Variants in KCNK13 observed in about 807,000 individuals in gnomAD.
KCNK13 encodes potassium two pore domain channel subfamily K member 13, also known as potassium channel subfamily K member 13.
KCNK13 carries 12 observed loss-of-function variants against 23.4 expected under a neutral mutation model. The observed-to-expected ratio is 0.51, with a 90% CI of 0.33 to 0.83. KCNK13 has a LOEUF of 0.83. Ranked by LOEUF, KCNK13 falls within the 40% of genes least tolerant of loss-of-function variation. KCNK13 has a pLI of 0.02. For missense variants in KCNK13, 463 were observed against 556.3 expected, an observed-to-expected ratio of 0.83 and a Z score of 1.69; for synonymous variants, 231 against 229.5, an observed-to-expected ratio of 1.01 and a Z score of -0.06.
intron 1 of KCNK13, among the ~76,000 whole-genome samples, chr14:90,142,342 G>A (rs1163247336): frequency 5.9e-5 from 6 of 100,848 alleles, no homozygotes; most frequent in African/African-American, 2.3e-4. Flanking sequence ...TTTTTGAGAC[G>A]GAGTCTCGGT....
intron 1 of KCNK13, among the ~76,000 whole-genome samples, chr14:90,065,893 A>G (rs1362611747): frequency 6.6e-6 from 1 of 152,228 alleles, no homozygotes; most frequent in Non-Finnish European, 1.5e-5. Flanking sequence ...TTCAGGCTTC[A>G]TGGCAGACAG....
intron 1 of KCNK13, among the ~76,000 whole-genome samples, chr14:90,133,611 A>T (rs1003298122): frequency 6.6e-6 from 1 of 152,080 alleles, no homozygotes; most frequent in Non-Finnish European, 1.5e-5. Context: ...AAAAAAAAAA[A>T]AAAACAGTTA....
At chr14:90,116,652 G>A (rs1317005944) in intron 1 of KCNK13, among the ~76,000 whole-genome samples, 1 of 152,154 alleles carries the variant, frequency 6.6e-6, no homozygotes, top group African/African-American at 2.4e-5. Context: ...GGCAGCGTGA[G>A]CTTCGGGTTT....
At position 90,104,482 on chromosome 14, in the gene KCNK13, C is replaced by T. The variant is rs73330277; in HGVS notation, c.334+41943C>T. Among the ~76,000 whole-genome samples the T allele has an allele frequency of 9.3e-3, 1,414 of 152,304 alleles. 19 individuals are homozygous for T. Among genetic ancestry groups the T allele is most frequent in the African/African-American group, 0.032 (1,312 of 41,558 alleles). Reference sequence around the variant, plus strand: ...GCAGCACCCAGAAGGCAATAAGACACCTTGTCCCTGTCACACATACATTCC... The same window carrying T: ...GCAGCACCCAGAAGGCAATAAGACATCTTGTCCCTGTCACACATACATTCC... On this transcript the variant is annotated intron_variant, in intron 1 of 1. Transcript: ENST00000282146.
chr14:90,175,082 G>A (rs914828326), intron 1 of KCNK13, among the ~76,000 whole-genome samples: 40 of 152,002 alleles, frequency 2.6e-4, no homozygotes, highest in Admixed American at 5.9e-4. Context: ...AAAACAACTC[G>A]GAGACATATA....
At chr14:90,130,751 T>C (rs1323230479) in intron 1 of KCNK13, among the ~76,000 whole-genome samples, 1 of 151,766 alleles carries the variant, frequency 6.6e-6, no homozygotes, top group Non-Finnish European at 1.5e-5. Flanking sequence ...GAAACAGAGG[T>C]TGTGGTGAGC....
chr14:90,068,333 G>A (rs540218937), intron 1 of KCNK13, among the ~76,000 whole-genome samples: 1 of 152,266 alleles, frequency 6.6e-6, no homozygotes, highest in Non-Finnish European at 1.5e-5. Context: ...GGTGGCTCAT[G>A]CCTGTAATCT....
rs1890529448 is a variant in KCNK13, at chr14:90,184,755, A to G, written c.979A>G (p.Ile327Val). The G allele has an allele frequency of 6.2e-7, 1 of 1,613,956 alleles. No individual in the cohort carries two copies. Among genetic ancestry groups the G allele is most frequent in the East Asian group, 2.2e-5 (1 of 44,872 alleles). ...CGTCCGGAACCGCTGCAACATCTCC[A>G]TAGAGACAGACGGGGTGGCAGAGAG... ...GSVRNRCNIS[I>V]ETDGVAESDT... is the part of the protein sequence containing the mutation. The change falls in exon 2 of 2, where the codon ATA becomes GTA. Residue 327 changes from isoleucine to valine, a missense_variant. Ile to Val is a conservative substitution (Grantham distance 29). Around this residue, in one of 3 missense-constraint regions of KCNK13, gnomAD observed 166 missense variants for 178.8 expected, o/e 0.93. Coordinates refer to ENST00000282146, the MANE Select transcript of KCNK13 (RefSeq NM_022054.4). This position sits in a 1 kb window ranked among gnomAD's most constrained non-coding sequence, Gnocchi z 5.6.
At chr14:90,089,997 G>A (rs1238307124) in intron 1 of KCNK13, among the ~76,000 whole-genome samples, 1 of 152,270 alleles carries the variant, frequency 6.6e-6, no homozygotes, top group African/African-American at 2.4e-5. Context: ...GGGCTCTCAT[G>A]GAGAACCTCT....
chr14:90,107,578 A>C (rs947251836), intron 1 of KCNK13: 1 of 490,168 alleles, frequency 2.0e-6, no homozygotes, highest in Non-Finnish European at 3.7e-6. Context: ...AAAAGTAAAG[A>C]GTGTGTTTAT....
chr14:90,118,482 T>C (rs775434689), intron 1 of KCNK13, among the ~76,000 whole-genome samples: 2 of 152,266 alleles, frequency 1.3e-5, no homozygotes, highest in Non-Finnish European at 2.9e-5. Context: ...TTTATCCACA[T>C]TGTAGCATGA....
At chr14:90,145,995 T>TCAAAA (rs144565802) in intron 1 of KCNK13, among the ~76,000 whole-genome samples, 9,785 of 151,988 alleles carry the variant, frequency 0.064, 411 homozygotes, top group South Asian at 0.2. Context: ...AGACCCTGTC[T>TCAAAA]CAAAACAAAA....
At chr14:90,182,090 T>G (rs958853146) in intron 1 of KCNK13, among the ~76,000 whole-genome samples, 6 of 152,206 alleles carry the variant, frequency 3.9e-5, no homozygotes, top group African/African-American at 1.4e-4. Context: ...TCCCTGTCCC[T>G]CGATCCTCCC....
intron 1 of KCNK13, among the ~76,000 whole-genome samples, chr14:90,136,092 C>G (rs992246105): frequency 2.0e-5 from 3 of 151,910 alleles, no homozygotes; most frequent in Non-Finnish European, 2.9e-5. Context: ...GATGTGCCAC[C>G]AAGAAGGAGA....
intron 1 of KCNK13, among the ~76,000 whole-genome samples, chr14:90,105,391 G>C (rs1323818977): frequency 1.3e-5 from 2 of 151,976 alleles, no homozygotes; most frequent in African/African-American, 2.4e-5. Context: ...TAGAGTCCTC[G>C]CCTGAAATCA....
intron 1 of KCNK13, among the ~76,000 whole-genome samples, chr14:90,132,926 A>G (rs3850395): frequency 0.39 from 59,031 of 151,852 alleles, 12,438 homozygotes; most frequent in Admixed American, 0.47. Flanking sequence ...GCCTTGCCTC[A>G]CTGGTATTTG....
intron 1 of KCNK13, among the ~76,000 whole-genome samples, chr14:90,181,490 G>A (rs559869133): frequency 5.3e-5 from 8 of 152,198 alleles, no homozygotes; most frequent in South Asian, 2.1e-4. Context: ...CTCACCTCTC[G>A]CAAAGACACC....
Position 90,062,296 on chromosome 14 carries a change from C to T in KCNK13, c.91C>T (p.Leu31=), listed in dbSNP as rs758310119. The change falls in exon 1 of 2, where the codon CTG becomes TTG. Residue 31 remains leucine, a synonymous_variant. Coordinates refer to ENST00000282146, the MANE Select transcript of KCNK13 (RefSeq NM_022054.4). This position sits in a 1 kb window ranked among gnomAD's most constrained non-coding sequence, Gnocchi z 4.5. ...LLLAALIVLY[L]LGGAAVFSAL... The stretch of plus-strand genomic sequence containing the variant: ...GCTGGCCGCGCTCATCGTGCTCTAC[C>T]TGCTGGGCGGCGCCGCCGTCTTCTC... 4 of 1,564,378 alleles carry T rather than the reference C, an allele frequency of 2.6e-6. No homozygotes were observed. The highest frequency in any genetic ancestry group is 1.8e-5 in the Admixed American group (1 of 55,440).
intron 1 of KCNK13, among the ~76,000 whole-genome samples, chr14:90,141,107 C>T (rs1639084299): frequency 1.3e-5 from 2 of 152,160 alleles, no homozygotes; most frequent in Non-Finnish European, 2.9e-5. Flanking sequence ...AGAGCTGGAC[C>T]CTGCTAGCAG....
Sources: allele counts gnomAD v4.1 joint callset (sites outside exome capture counted in the v4.1 genomes callset), GRCh38; gene constraint gnomAD v4.1.1; regional missense constraint gnomAD v4.1.1; non-coding constraint Gnocchi (gnomAD v3.1); transcripts MANE v1.5; gene names NCBI Gene and HGNC (gene_info 2026-07-23, HGNC 2026-07-21).